The following GAS7 variants were observed in gnomAD, a reference collection of about 807,000 sequenced individuals.
The protein encoded by GAS7 is growth arrest-specific protein 7.
GAS7 carries 28 observed loss-of-function variants against 71.1 expected under a neutral mutation model. The ratio of observed to expected loss-of-function variants is 0.39; its 90% CI spans 0.29 to 0.54. The LOEUF is 0.54. GAS7 is among the 20% of genes least tolerant of loss of function. The probability of loss-of-function intolerance (pLI) is 0.62; values close to 1 mark genes in which losing one functional copy is unlikely to be tolerated. For missense variants in GAS7, 436 were observed against 627.8 expected (o/e 0.69, Z 3.27); for synonymous variants, 258 against 245.8 (o/e 1.05, Z -0.46).
At chr17:10,082,437 C>G (rs1490105846) in intron 1 of GAS7, among the ~76,000 whole-genome samples, 1 of 152,114 alleles carries the variant, frequency 6.6e-6, no homozygotes, top group Admixed American at 6.5e-5. Context: ...CAGGAAAATA[C>G]AAGATAAAAG....
rs180927735 is a variant in GAS7, at chr17:9,916,032, G to T, written c.*1196C>A. On this transcript the variant is annotated 3_prime_UTR_variant, in exon 14 of 14. Transcript: ENST00000432992. ...TGCAGGGCTCTGGAATGTCCAGAAG[G>T]AGCGGGAAGCAAAGGTGGCGGGACA... 1 of 233,048 alleles carries T rather than the reference G, an allele frequency of 4.3e-6. No homozygotes were observed. The highest frequency in any genetic ancestry group is 6.0e-5 in the East Asian group (1 of 16,544). 14.4% of individuals were successfully genotyped at this position (233,048 alleles called of 1,614,324 possible). A position where few individuals can be genotyped will look rare whatever the true frequency, so the allele number is the denominator to read the frequency against.
rs572178763 is a variant in GAS7 at position 10,096,241 on chromosome 17, G to T, written c.184-76344C>A. 6.6e-5 allele frequency among the ~76,000 whole-genome samples: 10 copies of T among 152,234 alleles called. No homozygotes were observed. In the South Asian group the frequency reaches 2.1e-3, roughly 32 times the overall value. ...ATATATATATATTTTCTATGTTATA[G>T]TCCCTAGAAGCCAAACCAAAATCAG... On this transcript the variant is annotated intron_variant, in intron 1 of 13. Coordinates refer to ENST00000432992, the MANE Select transcript of GAS7 (RefSeq NM_201433.2).
intron 1 of GAS7, among the ~76,000 whole-genome samples, chr17:10,175,375 G>A (rs1235491411): frequency 1.3e-5 from 2 of 151,946 alleles, no homozygotes; most frequent in African/African-American, 4.8e-5. Flanking sequence ...TCATAGACTG[G>A]GTGGCTTAAA....
chr17:10,016,602 CA>C (rs1158379710), intron 2 of GAS7, among the ~76,000 whole-genome samples: 109 of 84,742 alleles, frequency 1.3e-3, no homozygotes, highest in Admixed American at 2.7e-3. Flanking sequence ...CTGTCTCTAC[CA>C]AAAAAAAAAA....
At chr17:9,970,444 A>G (rs2069914516) in intron 3 of GAS7, among the ~76,000 whole-genome samples, 1 of 152,142 alleles carries the variant, frequency 6.6e-6, no homozygotes, top group Admixed American at 6.5e-5. Flanking sequence ...AGCCTAGCCA[A>G]CATGGTGAAA....
At chr17:9,944,868 T>G (rs1228517208) in intron 6 of GAS7, among the ~76,000 whole-genome samples, 1 of 152,242 alleles carries the variant, frequency 6.6e-6, no homozygotes, top group Admixed American at 6.5e-5. Flanking sequence ...TGCTGAGCTA[T>G]GCACTCTGGG....
rs546938253 is a variant in GAS7, at chr17:9,982,032, C to T, written c.305-148G>A. 5.6e-4 allele frequency: 343 copies of T among 608,582 alleles called. 4 individuals carry two copies. Among genetic ancestry groups the T allele is most frequent in the South Asian group, 3.8e-3 (195 of 51,982 alleles). The allele number at this position is 608,582 out of a possible 1,614,324, so 37.7% of individuals were successfully genotyped here. A position where few individuals can be genotyped will look rare whatever the true frequency, so the allele number is the denominator to read the frequency against. On this transcript the variant is annotated intron_variant, in intron 2 of 13. Transcript: ENST00000432992. ...CCAACCCTGGCCAGACAGGACCCTG[C>T]TTTCTGCTCCCATATCCATCCATCT... is the stretch of plus-strand genomic sequence containing the variant.
intron 1 of GAS7, among the ~76,000 whole-genome samples, chr17:10,175,981 G>A (rs114487470): frequency 5.3e-5 from 8 of 152,212 alleles, no homozygotes; most frequent in East Asian, 1.9e-4. Context: ...GCACATCCCC[G>A]TTATCACTCG....
At chr17:10,143,297 T>C (rs1298157121) in intron 1 of GAS7, among the ~76,000 whole-genome samples, 1 of 151,508 alleles carries the variant, frequency 6.6e-6, no homozygotes, top group Non-Finnish European at 1.5e-5. Flanking sequence ...TCCCAGCACT[T>C]TGGGAGGCAG....
chr17:10,133,125 T>A (rs1046477392), intron 1 of GAS7, among the ~76,000 whole-genome samples: 20,540 of 129,386 alleles, frequency 0.16, 1,794 homozygotes, highest in African/African-American at 0.18. Context: ...TTTTTATATT[T>A]TTTTTTTTTC....
chr17:10,137,744 T>C (rs2074049988), intron 1 of GAS7, among the ~76,000 whole-genome samples: 1 of 152,086 alleles, frequency 6.6e-6, no homozygotes, highest in Non-Finnish European at 1.5e-5. Context: ...TTTTGCCATG[T>C]TGGTCAGGCT....
chr17:10,001,653 C>G (rs1301322032), intron 2 of GAS7, among the ~76,000 whole-genome samples: 1 of 152,152 alleles, frequency 6.6e-6, no homozygotes, highest in Non-Finnish European at 1.5e-5. Context: ...TCTGGAAATG[C>G]AAGGAAGAGC....
At chr17:10,090,104 G>C (rs1232507076) in intron 1 of GAS7, among the ~76,000 whole-genome samples, 1 of 152,076 alleles carries the variant, frequency 6.6e-6, no homozygotes, top group Non-Finnish European at 1.5e-5. Context: ...GGGAGGCAGA[G>C]GTTGCAGTGA....
At position 9,974,595 on chromosome 17, in the gene GAS7, C is replaced by A. The variant is rs1172299194; in HGVS notation, c.386-4833G>T. On this transcript the variant is annotated intron_variant, in intron 3 of 13. Coordinates refer to ENST00000432992, the MANE Select transcript of GAS7 (RefSeq NM_201433.2). This position sits in a 1 kb window ranked among gnomAD's most constrained non-coding sequence, Gnocchi z 4.0. ...ACTAAAAGCTCTATCTAGTTAGTAACCTTAGCAGCTTCAAATATAAATAAT... is the reference window on the plus strand; with the variant it reads ...ACTAAAAGCTCTATCTAGTTAGTAAACTTAGCAGCTTCAAATATAAATAAT... 1.3e-5 allele frequency among the ~76,000 whole-genome samples: 2 copies of A among 151,862 alleles called. No individual in the cohort carries two copies. The highest frequency in any genetic ancestry group is 2.9e-5 in the Non-Finnish European group (2 of 67,988).
At position 9,926,714 on chromosome 17, in the gene GAS7, T is replaced by C; in HGVS notation, c.941A>G (p.Asp314Gly). ...AATGTGGTGGTCGCACTTCTTCATG[T>C]CTTTCTTGAAGTTCTCACGGAAGTT... ...LMNFRENFKK[D>G]MKKCDHHIAD... Residue 314 changes from aspartate (D) to glycine (G), a missense_variant, in exon 10 of 14, where the codon GAC becomes GGC. By Grantham distance (94) the Asp-to-Gly change is moderately conservative. Transcript: ENST00000432992. The surrounding 1 kb of genome is among the most constrained non-coding windows in gnomAD (Gnocchi z 5.0). The C allele has an allele frequency of 6.2e-7, 1 of 1,613,806 alleles. No individual in the cohort carries two copies. The highest frequency in any genetic ancestry group is 8.5e-7 in the Non-Finnish European group (1 of 1,179,832).
chr17:9,917,515 G>A (rs1371897212), intron 13 of GAS7, among the ~76,000 whole-genome samples, 174 bp from the exon 14 acceptor site: 2 of 152,184 alleles, frequency 1.3e-5, no homozygotes, highest in African/African-American at 2.4e-5. Flanking sequence ...GGCTGTGAAC[G>A]GGGAACCCAG....
chr17:10,127,432 G>C (rs1334606266), intron 1 of GAS7, among the ~76,000 whole-genome samples: 1 of 152,120 alleles, frequency 6.6e-6, no homozygotes, highest in Non-Finnish European at 1.5e-5. Context: ...TGCACACCGA[G>C]TCCACGGCCT....
chr17:10,030,798 A>T (rs534203669), intron 1 of GAS7, among the ~76,000 whole-genome samples: 19 of 152,208 alleles, frequency 1.2e-4, no homozygotes, highest in South Asian at 4.1e-4. Context: ...GTGACAATGT[A>T]TGTGGCAGCA....
intron 1 of GAS7, among the ~76,000 whole-genome samples, chr17:10,150,667 C>A (rs1270304126): frequency 6.7e-6 from 1 of 149,874 alleles, no homozygotes; most frequent in Non-Finnish European, 1.5e-5. Context: ...CGGCTCACTG[C>A]AACCTCTGCC....
Sources: gnomAD v4.1 joint callset for allele counts (sites outside exome capture counted in the v4.1 genomes callset) on GRCh38, gnomAD v4.1.1 for gene constraint, Gnocchi (gnomAD v3.1) non-coding constraint, MANE v1.5 for transcripts, NCBI Gene and HGNC (gene_info 2026-07-23, HGNC 2026-07-21) for gene names.